HAT1: variants seen among roughly 807,000 people sequenced by gnomAD.
HAT1 encodes histone acetyltransferase 1.
In HAT1, 20 loss-of-function variants were observed where a neutral mutation model predicts 56.6. The ratio of observed to expected loss-of-function variants is 0.35; its 90% confidence interval spans 0.25 to 0.51. The LOEUF is 0.51. Among genes scored for constraint, HAT1 ranks in the 20% least tolerant of loss-of-function variants. HAT1 has a pLI of 0.95. For synonymous variants in HAT1, 146 were observed against 165.5 expected (o/e 0.88, Z 0.91); for missense variants, 408 against 504.3 (o/e 0.81, Z 1.83).
chr2:171,939,541 A>G (rs1686965978), intron 2 of HAT1, among the ~76,000 whole-genome samples: 1 of 152,330 alleles, frequency 6.6e-6, no homozygotes, highest in African/African-American at 2.4e-5. Flanking sequence ...TTGTAACTCA[A>G]AAACTTTAGC....
chr2:171,953,124 CT>C (rs1687349061), intron 4 of HAT1, 123 bp downstream of exon 4: 3 of 512,278 alleles, frequency 5.9e-6, no homozygotes, highest in Admixed American at 7.9e-5. Context: ...GGGGGCAGAT[CT>C]TTTGATCTTA....
At chr2:171,946,206 T>C (rs1000706789) in intron 2 of HAT1, among the ~76,000 whole-genome samples, 11 of 152,198 alleles carry the variant, frequency 7.2e-5, no homozygotes, top group African/African-American at 2.4e-4. Flanking sequence ...AGGATGTATA[T>C]AAGGATGTCA....
chr2:171,932,248 C>T (rs867828275), intron 2 of HAT1, among the ~76,000 whole-genome samples: 5 of 152,032 alleles, frequency 3.3e-5, no homozygotes, highest in African/African-American at 1.2e-4. Flanking sequence ...TTTTTTCATA[C>T]GTCTTTGCTT....
chr2:171,979,391 G>A, intron 10 of HAT1, 28 bp downstream of exon 10: 1 of 1,044,994 alleles, frequency 9.6e-7, no homozygotes, highest in South Asian at 1.3e-5. Flanking sequence ...CTTAAACACT[G>A]TATTCTTTTC....
intron 8 of HAT1, among the ~76,000 whole-genome samples, chr2:171,967,191 G>A (rs1687703589): frequency 1.3e-5 from 2 of 152,096 alleles, no homozygotes; most frequent in African/African-American, 4.8e-5. Context: ...TATATATGGG[G>A]AAGTCTTGGT....
chr2:171,926,230 G>A (rs772264144), intron 2 of HAT1, among the ~76,000 whole-genome samples: 57 of 152,034 alleles, frequency 3.7e-4, no homozygotes, highest in Admixed American at 1.3e-3. Flanking sequence ...CAGTCCTTCT[G>A]CCTCAGCCTG....
intron 4 of HAT1, among the ~76,000 whole-genome samples, chr2:171,959,634 T>C (rs552288038): frequency 3.3e-5 from 5 of 152,220 alleles, no homozygotes; most frequent in East Asian, 1.9e-4. Context: ...TTAAAAACGA[T>C]TGGGTAGGGG....
At chr2:171,977,539 ATATATATATATATATATAT>A (rs1206564782) in intron 9 of HAT1, among the ~76,000 whole-genome samples, 1 of 28,082 alleles carries the variant, frequency 3.6e-5, no homozygotes, top group Non-Finnish European at 1.3e-4. Flanking sequence ...ATATATATAT[ATATATATATATATATATAT>A]TTTTTTTTTT....
In HAT1 at chr2:171,973,653, A is replaced by G. The variant is rs139901348; in HGVS notation, c.824-2504A>G. 4.9e-3 allele frequency among the ~76,000 whole-genome samples: 741 copies of G among 152,272 alleles called. 7 individuals carry two copies. Among genetic ancestry groups the G allele is most frequent in the African/African-American group, 0.017 (701 of 41,548 alleles). The stretch of plus-strand genomic sequence containing the variant: ...CCTGTCGGATCAGTGGTGGCATTAG[A>G]TTCTCATAGGAGCACAAACCCTATT... On this transcript the variant is annotated intron_variant, in intron 8 of 10. Transcript: ENST00000264108.
At chr2:171,956,320 A>G (rs1687445318) in intron 4 of HAT1, among the ~76,000 whole-genome samples, 2 of 151,776 alleles carry the variant, frequency 1.3e-5, no homozygotes, top group African/African-American at 4.8e-5. Flanking sequence ...CCATCTCTAC[A>G]CGCACACACG....
intron 8 of HAT1, among the ~76,000 whole-genome samples, chr2:171,970,601 C>T (rs1170352944): frequency 1.5e-5 from 2 of 136,266 alleles, no homozygotes; most frequent in African/African-American, 2.7e-5. Flanking sequence ...TTCACTGCAA[C>T]CTCCACCTCC....
intron 2 of HAT1, among the ~76,000 whole-genome samples, chr2:171,946,494 G>A (rs575084854): frequency 6.6e-6 from 1 of 152,298 alleles, no homozygotes; most frequent in African/African-American, 2.4e-5. Flanking sequence ...GGGTTTTGAC[G>A]CTGAAGCACT....
Position 171,934,899 on chromosome 2 carries a change from G to T in HAT1, c.112+9258G>T, listed in dbSNP as rs138531327. ...GCCTCCCAAGTAGTTGGGATTACAG[G>T]CGCCCACCACCACGCCCAGTTAATT... On this transcript the variant is annotated intron_variant, in intron 2 of 10. Transcript: ENST00000264108. Among the ~76,000 whole-genome samples, 5 of 151,906 alleles carry T rather than the reference G, an allele frequency of 3.3e-5. No homozygotes were observed. The East Asian group carries it at 9.8e-4, about 30-fold the overall frequency.
chr2:171,944,021 T>G (rs1687094782), intron 2 of HAT1, among the ~76,000 whole-genome samples: 1 of 151,930 alleles, frequency 6.6e-6, no homozygotes, highest in East Asian at 1.9e-4. Context: ...TGATTTGCGC[T>G]TGTAGTCTCA....
At chr2:171,966,986 C>CT (rs1215717800) in intron 8 of HAT1, 37 bp downstream of exon 8, 1 of 850,714 alleles carries the variant, frequency 1.2e-6, no homozygotes, top group East Asian at 2.5e-5. Context: ...AAGAGCCTTT[C>CT]TAAAAATGTC....
At chr2:171,979,219 G>A (rs1036656272) in intron 9 of HAT1, 28 bp from the exon 10 acceptor site, 1 of 1,029,276 alleles carries the variant, frequency 9.7e-7, no homozygotes. Context: ...CTTTGAAAAT[G>A]TTCGCATTTT....
At chr2:171,968,445 C>T (rs985013749) in intron 8 of HAT1, among the ~76,000 whole-genome samples, 6 of 152,108 alleles carry the variant, frequency 3.9e-5, no homozygotes, top group Admixed American at 6.5e-5. Flanking sequence ...GCCTCTTAAC[C>T]ACTTTCTTCT....
chr2:171,963,375 T>A (rs1687617242), intron 4 of HAT1, among the ~76,000 whole-genome samples: 1 of 152,290 alleles, frequency 6.6e-6, no homozygotes, highest in East Asian at 1.9e-4. Context: ...AAGCCCTTTT[T>A]CAACTTTGTT....
rs1222011752 is a variant in HAT1 at position 171,948,326 on chromosome 2, A to G, written c.188+1543A>G. Among the ~76,000 whole-genome samples the G allele has an allele frequency of 2.6e-5, 4 of 152,102 alleles. No individual in the cohort carries two copies. In the East Asian group the frequency reaches 7.7e-4, roughly 29 times the overall value. On this transcript the variant is annotated intron_variant, in intron 3 of 10. Coordinates refer to ENST00000264108, the MANE Select transcript of HAT1 (RefSeq NM_003642.4). ...TGCAACCTCCACTTCCTGGGTTCAG[A>G]TGATTCTTCTGCCTCAGCCTCCCAA...
Sources: allele counts gnomAD v4.1 joint callset (sites outside exome capture counted in the v4.1 genomes callset), GRCh38; gene constraint gnomAD v4.1.1; transcripts MANE v1.5; gene names NCBI Gene and HGNC (gene_info 2026-07-23, HGNC 2026-07-21).